The following TGFBI variants were observed in gnomAD, a reference collection of about 807,000 sequenced individuals.
TGFBI encodes transforming growth factor beta induced.
A neutral mutation model predicts 73.7 loss-of-function variants in TGFBI; 50 were observed. That is an observed-to-expected ratio of 0.68 (90% CI 0.54 to 0.86). The LOEUF (loss-of-function observed/expected upper bound fraction) is 0.86, where lower values mean the gene tolerates loss of function less well. Among genes scored for constraint, TGFBI ranks in the 40% least tolerant of loss-of-function variants. TGFBI has a pLI of 0.00. For missense variants in TGFBI, 839 were observed against 877.0 expected, an observed-to-expected ratio of 0.96 and a Z score of 0.55; for synonymous variants, 362 against 360.5, an observed-to-expected ratio of 1.00 and a Z score of -0.05.
In TGFBI at chr5:136,033,754, T is replaced by G; in HGVS notation, c.135-9T>G. 6.2e-7 allele frequency: 1 copy of G among 1,612,820 alleles called. No homozygotes were observed. On this transcript the variant is annotated splice_polypyrimidine_tract_variant and intron_variant, in intron 1 of 16. Coordinates refer to ENST00000442011, the MANE Select transcript of TGFBI (RefSeq NM_000358.3). ...ATCATCTTCCTAATTCTGCTGCTTT[T>G]GTTTTCAGCCCCAACGTGTGTGCTG...
chr5:136,044,484 G>A (rs1751391373), intron 3 of TGFBI, among the ~76,000 whole-genome samples: 3 of 152,232 alleles, frequency 2.0e-5, no homozygotes, highest in Admixed American at 2.0e-4. Context: ...TAGCCCATCA[G>A]TTTCCGATCA....
chr5:136,040,924 G>A (rs1233633129), intron 2 of TGFBI, among the ~76,000 whole-genome samples: 1 of 152,190 alleles, frequency 6.6e-6, no homozygotes, highest in Non-Finnish European at 1.5e-5. Flanking sequence ...CCAGGGCCAG[G>A]GAGCATGGCA....
chr5:136,060,768 TA>T, intron 13 of TGFBI, 65 bp from the exon 14 acceptor site: 3 of 1,254,888 alleles, frequency 2.4e-6, no homozygotes, highest in Non-Finnish European at 3.3e-6. Flanking sequence ...GCTGAATGAA[TA>T]AAATAAATAT....
intron 1 of TGFBI, among the ~76,000 whole-genome samples, chr5:136,032,113 G>T (rs1331942583): frequency 6.6e-6 from 1 of 152,184 alleles, no homozygotes; most frequent in Non-Finnish European, 1.5e-5. Context: ...GGGTTATTCA[G>T]GGACTGTCTA....
intron 2 of TGFBI, among the ~76,000 whole-genome samples, chr5:136,040,087 G>A (rs934914706): frequency 6.6e-6 from 1 of 152,206 alleles, no homozygotes; most frequent in Non-Finnish European, 1.5e-5. Flanking sequence ...AATCCGTGAA[G>A]TGCAGTGGTT....
intron 10 of TGFBI, 118 bp from the exon 11 acceptor site, chr5:136,055,562 C>A: frequency 3.4e-6 from 3 of 893,912 alleles, no homozygotes; most frequent in South Asian, 4.4e-5. Flanking sequence ...ATAACCCATC[C>A]CAGTGTATAC....
chr5:136,044,258 A>G (rs568974635), intron 3 of TGFBI, 136 bp downstream of exon 3: 36 of 751,666 alleles, frequency 4.8e-5, no homozygotes, highest in Non-Finnish European at 7.5e-5. Context: ...CCACGTGCCC[A>G]CTGGCCCCAG....
chr5:136,052,638 G>A (rs1008748128), intron 7 of TGFBI, among the ~76,000 whole-genome samples: 2 of 152,204 alleles, frequency 1.3e-5, no homozygotes, highest in African/African-American at 2.4e-5. Flanking sequence ...CAATTCTTAT[G>A]TCCACTTGAC....
At chr5:136,042,903 G>A (rs1751364023) in intron 2 of TGFBI, among the ~76,000 whole-genome samples, 2 of 152,150 alleles carry the variant, frequency 1.3e-5, no homozygotes, top group Admixed American at 1.3e-4. Flanking sequence ...CACACTGAGA[G>A]CACCTTCCAG....
intron 2 of TGFBI, among the ~76,000 whole-genome samples, chr5:136,039,539 G>A (rs1751292359): frequency 6.6e-6 from 1 of 152,178 alleles, no homozygotes; most frequent in African/African-American, 2.4e-5. Context: ...TTGTCTCAGG[G>A]TCATCAACCT....
chr5:136,033,633 C>G (rs1751161304), intron 1 of TGFBI, 130 bp from the exon 2 acceptor site: 3 of 726,722 alleles, frequency 4.1e-6, no homozygotes, highest in Non-Finnish European at 7.1e-6. Flanking sequence ...TCCCCAGTAC[C>G]AAGACTGAAA....
chr5:136,037,437 G>A (rs1751247092), intron 2 of TGFBI, among the ~76,000 whole-genome samples: 1 of 152,142 alleles, frequency 6.6e-6, no homozygotes. Context: ...TTGTGGTCAG[G>A]AAGCCTGGCT....
Position 136,054,055 on chromosome 5 carries a change from G to A in TGFBI, c.1239G>A (p.Leu413=), listed in dbSNP as rs780708123. 5.6e-6 allele frequency: 9 copies of A among 1,613,808 alleles called. No homozygotes were observed. In the African/African-American group the frequency reaches 1.1e-4, roughly 19 times the overall value. ...HLSGSERLTL[L]APLNSVFKDG... ...CTGGAAGTGAGCGGTTGACCCTCCT[G>A]GCTCCCCTGAATTCTGTATTCAAAG... Residue 413 remains leucine, a synonymous_variant, in exon 9 of 17, where the codon CTG becomes CTA. Coordinates refer to ENST00000442011, the MANE Select transcript of TGFBI (RefSeq NM_000358.3).
At chr5:136,062,770 T>A (rs1181607680) in intron 16 of TGFBI, 83 bp downstream of exon 16, 1 of 1,416,676 alleles carries the variant, frequency 7.1e-7, no homozygotes, top group Non-Finnish European at 9.7e-7. Flanking sequence ...ATCTGCTGTA[T>A]ATAGATAAGA....
chr5:136,033,631 A>G, intron 1 of TGFBI, 132 bp from the exon 2 acceptor site: 1 of 718,396 alleles, frequency 1.4e-6, no homozygotes. Flanking sequence ...TATCCCCAGT[A>G]CCAAGACTGA....
At chr5:136,045,418 G>A (rs894205102) in intron 3 of TGFBI, among the ~76,000 whole-genome samples, 13 of 152,114 alleles carry the variant, frequency 8.5e-5, no homozygotes, top group Admixed American at 2.0e-4. Context: ...GGTGGTGGGC[G>A]CCTATAATCC....
Position 136,049,419 on chromosome 5 carries a change from A to C in TGFBI, c.772-20A>C. Reference sequence around the variant, plus strand: ...TGCCAGAGTCTTCAGGGAGCACTCCATCTTCTCTCCTCCCCACAGGCTGCT... The same window carrying C: ...TGCCAGAGTCTTCAGGGAGCACTCCCTCTTCTCTCCTCCCCACAGGCTGCT... On this transcript the variant is annotated intron_variant, in intron 6 of 16. Transcript: ENST00000442011. The C allele has an allele frequency of 3.7e-6, 6 of 1,612,492 alleles. No homozygotes were observed. The highest frequency in any genetic ancestry group is 5.1e-6 in the Non-Finnish European group (6 of 1,178,706).
Position 136,047,021 on chromosome 5 carries a change from G to T in TGFBI, c.624+6G>T. 2 of 1,610,578 alleles carry T rather than the reference G, an allele frequency of 1.2e-6. No individual in the cohort carries two copies. The highest frequency in any genetic ancestry group is 1.7e-6 in the Non-Finnish European group (2 of 1,179,700). The stretch of plus-strand genomic sequence containing the variant: ...TCCACCACTATCCTAATGGGGTAGG[G>T]GATCCCCAGCCATACTGCATGGCCC... On this transcript the variant is annotated splice_donor_region_variant and intron_variant, in intron 5 of 16. Transcript: ENST00000442011.
intron 3 of TGFBI, among the ~76,000 whole-genome samples, chr5:136,045,297 C>G (rs1351903362): frequency 6.6e-6 from 1 of 152,112 alleles, no homozygotes; most frequent in African/African-American, 2.4e-5. Flanking sequence ...AATCCTAGCA[C>G]TTTGGGAGGC....
Sources: allele counts gnomAD v4.1 joint callset (sites outside exome capture counted in the v4.1 genomes callset), GRCh38; gene constraint gnomAD v4.1.1; transcripts MANE v1.5; gene names NCBI Gene and HGNC (gene_info 2026-07-23, HGNC 2026-07-21).